The following TTC7A variants were observed in gnomAD, a reference collection of about 807,000 sequenced individuals.
TTC7A encodes tetratricopeptide repeat protein 7A.
A neutral mutation model predicts 103.7 loss-of-function variants in TTC7A; 110 were observed. The observed-to-expected ratio is 1.06, with a 90% CI of 0.91 to 1.24. The LOEUF is 1.24. Among genes scored for constraint, TTC7A ranks in the 50% most tolerant of loss-of-function variants. The pLI is 0.00. For missense variants in TTC7A, 1,340 were observed against 1,116.3 expected, an observed-to-expected ratio of 1.20 and a Z score of -2.86; for synonymous variants, 521 against 467.9, an observed-to-expected ratio of 1.11 and a Z score of -1.47.
At chr2:47,067,978 G>A (rs985559599) in intron 19 of TTC7A, 3 of 152,220 alleles carry the variant, frequency 2.0e-5, no homozygotes, top group African/African-American at 7.2e-5. Flanking sequence ...CTGCCTTGTG[G>A]ACAGGACAAG....
intron 18 of TTC7A, among the ~76,000 whole-genome samples, chr2:47,052,566 AAC>A (rs879661962): frequency 6.6e-6 from 1 of 152,236 alleles, no homozygotes; most frequent in Non-Finnish European, 1.5e-5. Context: ...CGAGTGTCTT[AAC>A]ACCGGCTTAT....
intron 3 of TTC7A, among the ~76,000 whole-genome samples, chr2:46,968,651 T>C (rs1485258348): frequency 1.3e-5 from 2 of 152,216 alleles, no homozygotes; most frequent in Admixed American, 6.5e-5. Flanking sequence ...AATTGCTTTA[T>C]AGAGGACCGC....
intron 8 of TTC7A, among the ~76,000 whole-genome samples, chr2:46,995,886 A>G (rs1195681088): frequency 6.6e-6 from 1 of 152,228 alleles, no homozygotes; most frequent in Non-Finnish European, 1.5e-5. Flanking sequence ...CAAAAACTAC[A>G]ATATGCAGGA....
At chr2:47,049,211 G>A (rs913183396) in intron 16 of TTC7A, among the ~76,000 whole-genome samples, 5 of 152,144 alleles carry the variant, frequency 3.3e-5, no homozygotes, top group African/African-American at 1.2e-4. Context: ...AGTCAACAGG[G>A]TCAAAGGTTG....
At chr2:46,992,938 T>G (rs1558548727) in intron 5 of TTC7A, among the ~76,000 whole-genome samples, 1 of 152,212 alleles carries the variant, frequency 6.6e-6, no homozygotes, top group African/African-American at 2.4e-5. Context: ...GCTTGAAAAC[T>G]ATTTCAAGGC....
In TTC7A at chr2:47,006,054, T is replaced by G. The variant is rs1677341880; in HGVS notation, c.1198T>G (p.Ser400Ala). Reference protein sequence around the residue: ...LGRRGQYVMLSECLERAMKFA... With the variant: ...LGRRGQYVMLAECLERAMKFA... ...CAGAAGGGGACAGTACGTCATGCTC[T>G]CGGAGGTACGGCCGGCCATGCAGCC... The change falls in exon 9 of 20, where the codon TCG becomes GCG. Residue 400 changes from serine to alanine, a missense_variant. Physicochemically the swap from Ser to Ala is moderately conservative, Grantham distance 99. Coordinates refer to ENST00000319190, the MANE Select transcript of TTC7A (RefSeq NM_020458.4). 1 of 1,613,062 alleles carries G rather than the reference T, an allele frequency of 6.2e-7. No individual in the cohort carries two copies. Among genetic ancestry groups the G allele is most frequent in the Non-Finnish European group, 8.5e-7 (1 of 1,179,692 alleles).
chr2:47,057,480 G>A (rs938711160), intron 18 of TTC7A, among the ~76,000 whole-genome samples: 3 of 152,188 alleles, frequency 2.0e-5, no homozygotes, highest in Admixed American at 2.0e-4. Context: ...AAAATCTGTT[G>A]ATGTGAATAC....
At chr2:47,035,776 A>G (rs186611328) in intron 15 of TTC7A, among the ~76,000 whole-genome samples, 30 of 152,220 alleles carry the variant, frequency 2.0e-4, no homozygotes, top group Non-Finnish European at 4.1e-4. Context: ...CCCAGGGCAC[A>G]TGGTTCTCTG....
intron 16 of TTC7A, among the ~76,000 whole-genome samples, chr2:47,049,157 T>G (rs776279407): frequency 1.2e-4 from 19 of 152,172 alleles, no homozygotes; most frequent in Admixed American, 2.6e-4. Context: ...TTGGCCTGCC[T>G]CCTCCTCTCC....
At chr2:47,057,047 G>T (rs1683381458) in intron 18 of TTC7A, among the ~76,000 whole-genome samples, 1 of 152,244 alleles carries the variant, frequency 6.6e-6, no homozygotes, top group South Asian at 2.1e-4. Flanking sequence ...GGCTGGGAAG[G>T]ATCAGGGCCG....
chr2:47,000,094 A>G (rs988159355), intron 8 of TTC7A, among the ~76,000 whole-genome samples: 1 of 152,226 alleles, frequency 6.6e-6, no homozygotes, highest in East Asian at 1.9e-4. Context: ...GGTGAATTAA[A>G]TAAGAAAATG....
In TTC7A at chr2:47,021,864, A is replaced by G. The variant is rs1191103460; in HGVS notation, c.1395A>G (p.Leu465=). The part of the protein sequence containing the change: ...AKVCIGSLRW[L]EEAEHFAMMV... ...ACCTCTGTCTCTCCTCTTTGCAGCT[A>G]GAGGAAGCAGAGCACTTTGCCATGA... The change falls in exon 12 of 20, where the codon CTA becomes CTG. Residue 465 remains leucine, a splice_region_variant and synonymous_variant. Transcript: ENST00000319190. The G allele has an allele frequency of 3.1e-6, 5 of 1,613,770 alleles. No homozygotes were observed. Among genetic ancestry groups the G allele is most frequent in the South Asian group, 1.1e-5 (1 of 91,074 alleles).
chr2:47,025,795 G>T (rs555953856), intron 14 of TTC7A, among the ~76,000 whole-genome samples: 1 of 151,960 alleles, frequency 6.6e-6, no homozygotes, highest in African/African-American at 2.4e-5. Context: ...TCCACCTCTA[G>T]GCTGCGCCCC....
intron 11 of TTC7A, among the ~76,000 whole-genome samples, 162 bp downstream of exon 11, chr2:47,011,597 C>T (rs981265001): frequency 6.6e-6 from 1 of 152,222 alleles, no homozygotes; most frequent in Non-Finnish European, 1.5e-5. Flanking sequence ...CTCTGAGGAG[C>T]TGCCAGCCTC....
chr2:47,073,231 A>G (rs1684924036), intron 19 of TTC7A, among the ~76,000 whole-genome samples: 2 of 152,178 alleles, frequency 1.3e-5, no homozygotes, highest in South Asian at 4.1e-4. Flanking sequence ...AGCAGGAAGG[A>G]CTGAGACGCA....
At chr2:46,994,147 C>T (rs1199408966) in intron 6 of TTC7A, 12 of 582,112 alleles carry the variant, frequency 2.1e-5, no homozygotes, top group Non-Finnish European at 3.3e-5. Flanking sequence ...AGGTAGGAGC[C>T]GTCTGAGGCC....
At chr2:46,953,445 A>G (rs149287736) in intron 2 of TTC7A, among the ~76,000 whole-genome samples, 2 of 152,108 alleles carry the variant, frequency 1.3e-5, no homozygotes, top group African/African-American at 2.4e-5. Context: ...GTGAGCCACC[A>G]TGCCCGGCCA....
At chr2:47,004,691 G>A in intron 8 of TTC7A, among the ~76,000 whole-genome samples, 1 of 151,750 alleles carries the variant, frequency 6.6e-6, no homozygotes, top group Non-Finnish European at 1.5e-5. Context: ...GAGGATGCTG[G>A]GGGCGGCCCC....
intron 4 of TTC7A, 75 bp from the exon 5 acceptor site, chr2:46,978,717 G>T: frequency 1.7e-6 from 2 of 1,183,614 alleles, no homozygotes; most frequent in Non-Finnish European, 2.5e-6. Context: ...TGGTGATGAG[G>T]CCACCTCCTC....
Sources: gnomAD v4.1 joint callset for allele counts (sites outside exome capture counted in the v4.1 genomes callset) on GRCh38, gnomAD v4.1.1 for gene constraint, MANE v1.5 for transcripts, NCBI Gene and HGNC (gene_info 2026-07-23, HGNC 2026-07-21) for gene names.